PCLO: variants seen among roughly 807,000 people sequenced by gnomAD.
PCLO encodes the protein protein piccolo.
PCLO carries 82 observed loss-of-function variants against 427.5 expected under a neutral mutation model. The ratio of observed to expected loss-of-function variants is 0.19; its 90% CI spans 0.16 to 0.23. PCLO has a LOEUF of 0.23. PCLO is among the 10% of genes least tolerant of loss of function. The probability of loss-of-function intolerance (pLI) is 1.00; values close to 1 mark genes in which losing one functional copy is unlikely to be tolerated. For synonymous variants in PCLO, 2,357 were observed against 2,155.4 expected (o/e 1.09, Z -2.59); for missense variants, 6,239 against 6,115.9 (o/e 1.02, Z -0.67).
At position 82,966,494 on chromosome 7, in the gene PCLO, G is replaced by A. The variant is rs1554364296; in HGVS notation, c.3301-7C>T. On this transcript the variant is annotated splice_polypyrimidine_tract_variant and splice_region_variant and intron_variant, in intron 3 of 24. Transcript: ENST00000333891. ...AACAAAGCCATTCTTGAATCTGTGG[G>A]AAAAAAATTACAATGAACAGATTGA... The A allele has an allele frequency of 1.3e-6, 2 of 1,510,066 alleles. No homozygotes were observed. The highest frequency in any genetic ancestry group is 1.8e-6 in the Non-Finnish European group (2 of 1,116,496). The allele number at this position is 1,510,066 out of a possible 1,614,324, so 93.5% of individuals were successfully genotyped here. A position where few individuals can be genotyped will look rare whatever the true frequency, so the allele number is the denominator to read the frequency against.
intron 2 of PCLO, among the ~76,000 whole-genome samples, chr7:83,141,429 C>T (rs1240280529): frequency 1.3e-5 from 2 of 152,170 alleles, no homozygotes; most frequent in African/African-American, 4.8e-5. Flanking sequence ...GAAGATACAA[C>T]TGTTTAGTGA....
chr7:82,891,120 A>G (rs1269673216), intron 9 of PCLO, among the ~76,000 whole-genome samples: 3 of 152,092 alleles, frequency 2.0e-5, no homozygotes, highest in Admixed American at 2.0e-4. Flanking sequence ...ATGTATGCAT[A>G]TATGTATCTT....
At chr7:82,879,546 G>C in intron 9 of PCLO, 84 bp from the exon 10 acceptor site, 3 of 1,004,800 alleles carry the variant, frequency 3.0e-6, no homozygotes, top group Non-Finnish European at 4.3e-6. Context: ...ACAAAAAGTA[G>C]GTCTGGTATC....
chr7:83,142,770 C>T (rs1791893867), intron 2 of PCLO, among the ~76,000 whole-genome samples: 1 of 152,062 alleles, frequency 6.6e-6, no homozygotes, highest in African/African-American at 2.4e-5. Flanking sequence ...ACCAGCCTGG[C>T]CAATATGGTG....
rs145364534 is a variant in PCLO at position 83,151,472 on chromosome 7, T to C, written c.1893+3276A>G. Among the ~76,000 whole-genome samples the C allele has an allele frequency of 9.2e-3, 1,398 of 152,328 alleles. 21 individuals carry two copies. The highest frequency in any genetic ancestry group is 0.032 in the African/African-American group (1,334 of 41,572). The stretch of plus-strand genomic sequence containing the variant: ...AGTGTGTCTGGCAGAGAGCATGTTA[T>C]TATTTTCATATGTCAAATGGTGCCA... On this transcript the variant is annotated intron_variant, in intron 2 of 24. Coordinates refer to ENST00000333891, the MANE Select transcript of PCLO (RefSeq NM_033026.6).
intron 22 of PCLO, among the ~76,000 whole-genome samples, chr7:82,770,246 A>G (rs1037495739): frequency 1.3e-4 from 19 of 150,232 alleles, no homozygotes; most frequent in Non-Finnish European, 2.9e-5. Flanking sequence ...ATATTCCCTT[A>G]TTCTTTTTTT....
intron 8 of PCLO, among the ~76,000 whole-genome samples, chr7:82,908,580 C>T (rs1052371170): frequency 2.2e-4 from 33 of 152,182 alleles, no homozygotes; most frequent in African/African-American, 6.5e-4. Context: ...CTTGTAAGCT[C>T]TCAGAGCTCC....
At chr7:83,158,701 T>A (rs1156962111) in intron 1 of PCLO, among the ~76,000 whole-genome samples, 1 of 152,010 alleles carries the variant, frequency 6.6e-6, no homozygotes, top group Non-Finnish European at 1.5e-5. Flanking sequence ...GCAAGCTGCT[T>A]GCACCAGGAA....
intron 3 of PCLO, among the ~76,000 whole-genome samples, chr7:83,009,041 GA>G: frequency 6.6e-6 from 1 of 151,656 alleles, no homozygotes; most frequent in South Asian, 2.1e-4. Context: ...ATCCCATACA[GA>G]AAAATTACCT....
At chr7:82,760,230 G>A (rs549340326) in intron 24 of PCLO, among the ~76,000 whole-genome samples, 1 of 152,090 alleles carries the variant, frequency 6.6e-6, no homozygotes, top group South Asian at 2.1e-4. Context: ...AGTAATTGAA[G>A]AGCTTTAATG....
At chr7:83,041,737 A>G (rs1212991288) in intron 3 of PCLO, among the ~76,000 whole-genome samples, 1 of 152,204 alleles carries the variant, frequency 6.6e-6, no homozygotes, top group East Asian at 1.9e-4. Flanking sequence ...AATATTCAAG[A>G]ATGTTATGAC....
chr7:83,134,242 T>TATATAA lies in PCLO; in HGVS notation c.3300+7_3300+8insTTATAT, dbSNP rs746054139. ...TAATATATATATATATATATATATA[T>TATATAA]AACTTACCTCAGTCAAATGTGGTGT... On this transcript the variant is annotated splice_region_variant and intron_variant, in intron 3 of 24. Coordinates refer to ENST00000333891, the MANE Select transcript of PCLO (RefSeq NM_033026.6). 3.3e-5 allele frequency: 35 copies of TATATAA among 1,068,730 alleles called. No homozygotes were observed. The East Asian group carries it at 3.5e-4, about 11-fold the overall frequency. 66.2% of individuals were successfully genotyped at this position (1,068,730 alleles called of 1,614,324 possible). A position where few individuals can be genotyped will look rare whatever the true frequency, so the allele number is the denominator to read the frequency against.
intron 3 of PCLO, among the ~76,000 whole-genome samples, chr7:83,099,297 C>T (rs1790675101): frequency 7.4e-6 from 1 of 135,344 alleles, no homozygotes; most frequent in Non-Finnish European, 1.6e-5. Context: ...TGATAAGGAT[C>T]AAAACAAGGA....
At chr7:82,851,339 C>T (rs1364941814) in intron 10 of PCLO, among the ~76,000 whole-genome samples, 1 of 151,742 alleles carries the variant, frequency 6.6e-6, no homozygotes, top group African/African-American at 2.4e-5. Context: ...CAGGTGTTAA[C>T]ACCAGAAGGT....
At chr7:82,900,755 A>T (rs1229562394) in intron 9 of PCLO, among the ~76,000 whole-genome samples, 1 of 151,772 alleles carries the variant, frequency 6.6e-6, no homozygotes. Context: ...TATAAGGCTT[A>T]TAGATATTTT....
intron 3 of PCLO, among the ~76,000 whole-genome samples, chr7:82,998,784 A>C (rs1787699471): frequency 6.6e-6 from 1 of 151,842 alleles, no homozygotes; most frequent in Admixed American, 6.6e-5. Flanking sequence ...TACAAGGAAT[A>C]CTCAAAGACA....
At chr7:82,921,590 C>T (rs1318134798) in intron 6 of PCLO, among the ~76,000 whole-genome samples, 2 of 151,854 alleles carry the variant, frequency 1.3e-5, no homozygotes, top group Admixed American at 6.6e-5. Flanking sequence ...ATACAGAAAT[C>T]AATTCAAGAT....
intron 3 of PCLO, among the ~76,000 whole-genome samples, chr7:82,993,013 C>T (rs2115853656): frequency 6.6e-6 from 1 of 152,080 alleles, no homozygotes; most frequent in African/African-American, 2.4e-5. Context: ...TGTCTCTATA[C>T]ATACATGGCA....
At chr7:82,865,070 G>T (rs1217078161) in intron 10 of PCLO, among the ~76,000 whole-genome samples, 1 of 152,024 alleles carries the variant, frequency 6.6e-6, no homozygotes, top group Admixed American at 6.6e-5. Context: ...CTTAAATAAA[G>T]AAGTATTACA....
Sources: allele counts gnomAD v4.1 joint callset (sites outside exome capture counted in the v4.1 genomes callset), GRCh38; gene constraint gnomAD v4.1.1; transcripts MANE v1.5; gene names NCBI Gene and HGNC (gene_info 2026-07-23, HGNC 2026-07-21).